Variants in HK1 observed in about 807,000 individuals in gnomAD.
HK1 encodes hexokinase-1.
A neutral mutation model predicts 91.6 loss-of-function variants in HK1; 28 were observed. That is an observed-to-expected ratio of 0.31 (90% CI 0.23 to 0.42). HK1 has a LOEUF of 0.42. Ranked by LOEUF, HK1 falls within the 10% of genes least tolerant of loss-of-function variation. The pLI is 1.00. For synonymous variants in HK1, 430 were observed against 468.1 expected, an observed-to-expected ratio of 0.92 and a Z score of 1.05; for missense variants, 770 against 1,219.8, an observed-to-expected ratio of 0.63 and a Z score of 5.49.
intron 2 of HK1, among the ~76,000 whole-genome samples, chr10:69,351,528 AAAAAAAACAAAAC>A (rs2132719465): frequency 8.6e-6 from 1 of 115,816 alleles, no homozygotes; most frequent in Admixed American, 8.8e-5. Flanking sequence ...AAACAAAAAC[AAAAAAAACAAAAC>A]AAAAAAACCC....
chr10:69,392,459 C>G (rs1839938069), intron 15 of HK1, 151 bp downstream of exon 15: 1 of 799,514 alleles, frequency 1.3e-6, no homozygotes, highest in Non-Finnish European at 2.1e-6. Context: ...TGACCTTTGT[C>G]TTTTGGACAG....
exon 5 of HK1, chr10:69,300,800 G>A (rs375657392): frequency 4.4e-5 from 71 of 1,610,314 alleles, no homozygotes; most frequent in Non-Finnish European, 5.5e-5. Flanking sequence ...CATCAGCCAG[G>A]ACATTAATGT....
chr10:69,326,216 A>C (rs77231906), intron 1 of HK1, among the ~76,000 whole-genome samples: 2,849 of 151,624 alleles, frequency 0.019, 105 homozygotes, highest in African/African-American at 0.065. Context: ...AATTATATAT[A>C]TATGTAATTG....
intron 3 of HK1, among the ~76,000 whole-genome samples, chr10:69,363,835 GATAAGTC>G (rs1480520090): frequency 6.6e-6 from 1 of 152,186 alleles, no homozygotes; most frequent in African/African-American, 2.4e-5. Context: ...GTATGTACCT[GATAAGTC>G]ATAGATAACA....
rs760494687 is a variant in HK1 at position 69,376,971 on chromosome 10, C to G, written c.913C>G (p.Leu305Val). 3.3e-5 allele frequency: 53 copies of G among 1,614,054 alleles called. No individual in the cohort carries two copies. Among genetic ancestry groups the G allele is most frequent in the Non-Finnish European group, 4.5e-5 (53 of 1,180,046 alleles). ...KMVSGMYLGE[L>V]VRLILVKMAK... is the part of the protein sequence containing the mutation. Reference sequence around the variant, plus strand: ...GGTCAGTGGCATGTACTTGGGAGAGCTGGTTCGACTGATCCTAGTCAAGAT... The same window carrying G: ...GGTCAGTGGCATGTACTTGGGAGAGGTGGTTCGACTGATCCTAGTCAAGAT... The change falls in exon 8 of 18, where the codon CTG (leucine) becomes GTG (valine). Residue 305 changes from leucine to valine, a missense_variant. Transcript: ENST00000359426.
intron 4 of HK1, among the ~76,000 whole-genome samples, chr10:69,296,632 G>C (rs965695863): frequency 4.6e-5 from 7 of 152,166 alleles, no homozygotes; most frequent in Non-Finnish European, 7.3e-5. Flanking sequence ...TAGAGGTGAT[G>C]AGATTTGCAG....
chr10:69,335,677 A>G (rs1295009921), intron 1 of HK1, among the ~76,000 whole-genome samples: 3 of 152,256 alleles, frequency 2.0e-5, no homozygotes, highest in Non-Finnish European at 4.4e-5. Context: ...TTCTGCAGAC[A>G]GGATGCTGTA....
intron 2 of HK1, among the ~76,000 whole-genome samples, chr10:69,359,159 CT>C (rs1728072666): frequency 6.6e-6 from 1 of 152,078 alleles, no homozygotes; most frequent in African/African-American, 2.4e-5. Flanking sequence ...TGTGATTCTT[CT>C]TGTATGAAAT....
intron 2 of HK1, among the ~76,000 whole-genome samples, chr10:69,351,236 G>T (rs561949860): frequency 6.7e-6 from 1 of 149,708 alleles, no homozygotes; most frequent in Non-Finnish European, 1.5e-5. Flanking sequence ...GGCCAGGCAC[G>T]GTGGCTCACG....
intron 2 of HK1, among the ~76,000 whole-genome samples, chr10:69,287,202 T>G (rs1845072868): frequency 2.0e-5 from 3 of 152,132 alleles, no homozygotes; most frequent in Admixed American, 6.6e-5. Flanking sequence ...TCAGGAAACT[T>G]GTAATCATGG....
chr10:69,305,718 G>A (rs1271456139), intron 5 of HK1, among the ~76,000 whole-genome samples: 2 of 151,794 alleles, frequency 1.3e-5, no homozygotes, highest in Non-Finnish European at 2.9e-5. Flanking sequence ...GCCAGGTGTG[G>A]TGGCATGCAC....
rs537849367 is a variant in HK1 at position 69,328,753 on chromosome 10, T to C, written c.63+9743T>C. Among the ~76,000 whole-genome samples the C allele has an allele frequency of 3.3e-5, 5 of 152,348 alleles. No homozygotes were observed. The South Asian group carries it at 1.0e-3, about 32-fold the overall frequency. Reference sequence around the variant, plus strand: ...ACCATCACCATCTAATTCCAGAATATTTTCATCACCCTCCGAAAAAAACTA... The same window carrying C: ...ACCATCACCATCTAATTCCAGAATACTTTCATCACCCTCCGAAAAAAACTA... On this transcript the variant is annotated intron_variant, in intron 1 of 17. Coordinates refer to ENST00000359426, the MANE Select transcript of HK1 (RefSeq NM_000188.3).
intron 4 of HK1, among the ~76,000 whole-genome samples, chr10:69,367,632 A>C (rs1849774439): frequency 6.7e-6 from 1 of 149,564 alleles, no homozygotes; most frequent in Non-Finnish European, 1.5e-5. Flanking sequence ...TGCATACTCC[A>C]GTCTGTGTGG....
intron 2 of HK1, among the ~76,000 whole-genome samples, chr10:69,355,671 A>G (rs1312986099): frequency 1.3e-5 from 2 of 152,200 alleles, no homozygotes; most frequent in African/African-American, 2.4e-5. Flanking sequence ...ACACGCCTGT[A>G]ATCCTAGCTA....
chr10:69,369,866 T>C lies in HK1; in HGVS notation c.875+242T>C, dbSNP rs1307891064. ...CGATTCTCCTGCCTTAGCCTCCAAG[T>C]AGCTGGGATTACAGGCATGCATCAC... On this transcript the variant is annotated intron_variant, in intron 7 of 17. Coordinates refer to ENST00000359426, the MANE Select transcript of HK1 (RefSeq NM_000188.3). The surrounding 1 kb of genome is among the most constrained non-coding windows in gnomAD (Gnocchi z 4.4). Among the ~76,000 whole-genome samples, 1 of 152,106 alleles carries C rather than the reference T, an allele frequency of 6.6e-6. No individual in the cohort carries two copies. The highest frequency in any genetic ancestry group is 2.4e-5 in the African/African-American group (1 of 41,428).
At chr10:69,359,074 A>G (rs12252916) in intron 2 of HK1, among the ~76,000 whole-genome samples, 4,488 of 152,040 alleles carry the variant, frequency 0.03, 209 homozygotes, top group African/African-American at 0.095. Flanking sequence ...AAAGAGTAAA[A>G]TTCTGAAAAT....
chr10:69,322,046 C>T (rs1282035891), intron 1 of HK1, among the ~76,000 whole-genome samples: 1 of 152,206 alleles, frequency 6.6e-6, no homozygotes, highest in Non-Finnish European at 1.5e-5. Flanking sequence ...CATCTCATCT[C>T]GCCAGCTTCT....
intron 1 of HK1, among the ~76,000 whole-genome samples, chr10:69,330,719 A>C (rs187755274): frequency 4.5e-4 from 69 of 152,232 alleles, no homozygotes; most frequent in African/African-American, 1.6e-3. Flanking sequence ...ATCTCTGGAG[A>C]TACAGGGACA....
upstream of HK1, chr10:69,318,770 A>G: frequency 1.6e-6 from 2 of 1,246,182 alleles, no homozygotes; most frequent in South Asian, 3.6e-5. Flanking sequence ...CCTCCAGGGG[A>G]CGGGAGCGCG....
Sources: gnomAD v4.1 joint callset for allele counts (sites outside exome capture counted in the v4.1 genomes callset) on GRCh38, gnomAD v4.1.1 for gene constraint, Gnocchi (gnomAD v3.1) non-coding constraint, MANE v1.5 for transcripts, NCBI Gene and HGNC (gene_info 2026-07-23, HGNC 2026-07-21) for gene names.